Variants in GLIS1 observed in about 807,000 individuals in gnomAD.
GLIS1 encodes GLIS family zinc finger 1, also known as zinc finger protein GLIS1.
GLIS1 carries 24 observed loss-of-function variants against 63.8 expected under a neutral mutation model. The observed-to-expected ratio is 0.38, with a 90% CI of 0.27 to 0.53. The LOEUF (loss-of-function observed/expected upper bound fraction) is 0.53, where lower values mean the gene tolerates loss of function less well. Among genes scored for constraint, GLIS1 ranks in the 20% least tolerant of loss-of-function variants. The pLI, the probability that GLIS1 is intolerant of heterozygous loss-of-function variation, is 0.85. For synonymous variants in GLIS1, 450 were observed against 482.5 expected (o/e 0.93, Z 0.88); for missense variants, 1,036 against 1,074.1 (o/e 0.96, Z 0.50).
chr1:53,699,749 C>A (rs532746171), intron 2 of GLIS1, among the ~76,000 whole-genome samples: 6 of 152,158 alleles, frequency 3.9e-5, no homozygotes, highest in Admixed American at 3.9e-4. Flanking sequence ...GGTCTCTTCC[C>A]AGCTTGTGGA....
At chr1:53,607,255 A>G (rs1308441095) in intron 2 of GLIS1, among the ~76,000 whole-genome samples, 1 of 152,190 alleles carries the variant, frequency 6.6e-6, no homozygotes, top group East Asian at 1.9e-4. Flanking sequence ...AAGCAGGGAA[A>G]TACATGTATT....
At chr1:53,684,746 C>G (rs941653781) in intron 2 of GLIS1, among the ~76,000 whole-genome samples, 3 of 152,228 alleles carry the variant, frequency 2.0e-5, no homozygotes, top group Admixed American at 6.5e-5. Context: ...GGCCACCTGC[C>G]TCTCCTCTCC....
intron 2 of GLIS1, among the ~76,000 whole-genome samples, chr1:53,700,677 T>C (rs894710728): frequency 4.6e-5 from 7 of 152,222 alleles, no homozygotes; most frequent in Non-Finnish European, 8.8e-5. Flanking sequence ...ATTTAGTGGT[T>C]CTTACCGTAT....
intron 8 of GLIS1, among the ~76,000 whole-genome samples, chr1:53,514,341 G>C (rs900427802): frequency 6.6e-6 from 1 of 152,188 alleles, no homozygotes; most frequent in Non-Finnish European, 1.5e-5. Flanking sequence ...AGGGGTCGCT[G>C]GGAGGGGCCA....
rs560395578 is a variant in GLIS1 at position 53,639,677 on chromosome 1, C to T, written c.260-39399G>A. On this transcript the variant is annotated intron_variant, in intron 2 of 10. Coordinates refer to ENST00000628545, the MANE Select transcript of GLIS1 (RefSeq NM_001367484.1). This position sits in a 1 kb window ranked among gnomAD's most constrained non-coding sequence, Gnocchi z 4.6. ...TTTTTTCCAGCCCGCTATCCTGGGC[C>T]GACAGCATACTCAGGTTTACTCAGT... is the stretch of plus-strand genomic sequence containing the variant. Among the ~76,000 whole-genome samples the T allele has an allele frequency of 6.6e-5, 10 of 152,092 alleles. No individual in the cohort carries two copies. Among genetic ancestry groups the T allele is most frequent in the African/African-American group, 1.7e-4 (7 of 41,478 alleles).
intron 2 of GLIS1, among the ~76,000 whole-genome samples, chr1:53,729,209 C>T (rs555477274): frequency 1.3e-5 from 2 of 152,264 alleles, no homozygotes; most frequent in East Asian, 3.9e-4. Context: ...AGAAGTTCTA[C>T]GGACTTGAGG....
At chr1:53,566,489 A>ACATTAG (rs1343230452) in intron 4 of GLIS1, among the ~76,000 whole-genome samples, 6 of 152,280 alleles carry the variant, frequency 3.9e-5, no homozygotes, top group Non-Finnish European at 8.8e-5. Context: ...AGTATCATTT[A>ACATTAG]CATTAGCACC....
chr1:53,556,483 G>T (rs1282977217), intron 4 of GLIS1, among the ~76,000 whole-genome samples: 1 of 146,194 alleles, frequency 6.8e-6, no homozygotes, highest in Admixed American at 6.8e-5. Context: ...GTGCGTGCAG[G>T]TGTACTGCAG....
At chr1:53,577,905 A>T (rs1246440447) in intron 4 of GLIS1, among the ~76,000 whole-genome samples, 1 of 151,896 alleles carries the variant, frequency 6.6e-6, no homozygotes, top group Non-Finnish European at 1.5e-5. Flanking sequence ...TCGTTAACTC[A>T]CACCCTGGCC....
intron 2 of GLIS1, among the ~76,000 whole-genome samples, chr1:53,629,363 A>C (rs1342491722): frequency 6.6e-6 from 1 of 151,904 alleles, no homozygotes; most frequent in East Asian, 1.9e-4. Context: ...AGTTGCTATC[A>C]CTCTGTAGCA....
intron 4 of GLIS1, among the ~76,000 whole-genome samples, chr1:53,587,132 A>T (rs1479681221): frequency 6.6e-6 from 1 of 152,206 alleles, no homozygotes; most frequent in African/African-American, 2.4e-5. Flanking sequence ...AAAGGATTTA[A>T]AGGACCTGGA....
At chr1:53,604,051 A>G (rs1355647087) in intron 2 of GLIS1, among the ~76,000 whole-genome samples, 3 of 152,264 alleles carry the variant, frequency 2.0e-5, no homozygotes, top group African/African-American at 7.2e-5. Context: ...AATGGTGCTA[A>G]CACCTAACCC....
At chr1:53,508,808 T>TCTGCA (rs1644264370) in intron 10 of GLIS1, among the ~76,000 whole-genome samples, 1 of 152,202 alleles carries the variant, frequency 6.6e-6, no homozygotes, top group African/African-American at 2.4e-5. Flanking sequence ...ACACAGTAGG[T>TCTGCA]GCTCAATAAA....
chr1:53,520,880 C>T, intron 6 of GLIS1, 114 bp from the exon 7 acceptor site: 2 of 1,164,526 alleles, frequency 1.7e-6, no homozygotes, highest in Non-Finnish European at 2.3e-6. Context: ...AGACCCTTCC[C>T]TTCACTGTGC....
At chr1:53,629,852 T>A (rs904669733) in intron 2 of GLIS1, among the ~76,000 whole-genome samples, 2 of 152,224 alleles carry the variant, frequency 1.3e-5, no homozygotes, top group African/African-American at 2.4e-5. Flanking sequence ...CCTGCACACA[T>A]GCAGGCCTTG....
chr1:53,580,215 C>T (rs1033686230), intron 4 of GLIS1, among the ~76,000 whole-genome samples: 1 of 152,158 alleles, frequency 6.6e-6, no homozygotes, highest in Non-Finnish European at 1.5e-5. Context: ...AGCCATGAGC[C>T]GCAGAGCCCC....
chr1:53,620,373 T>C (rs1645529965), intron 2 of GLIS1, among the ~76,000 whole-genome samples: 1 of 152,052 alleles, frequency 6.6e-6, no homozygotes, highest in Non-Finnish European at 1.5e-5. Flanking sequence ...GAACAGAAAA[T>C]GGGCGGGGGG....
chr1:53,645,703 C>A (rs538037411), intron 2 of GLIS1, among the ~76,000 whole-genome samples: 1 of 152,332 alleles, frequency 6.6e-6, no homozygotes, highest in Admixed American at 6.5e-5. Context: ...CTGGTAACCA[C>A]AAGTAATAAG....
chr1:53,532,997 ATGC>A (rs1644546577), intron 4 of GLIS1, among the ~76,000 whole-genome samples: 1 of 152,238 alleles, frequency 6.6e-6, no homozygotes, highest in Non-Finnish European at 1.5e-5. Flanking sequence ...TGCCTCTCCC[ATGC>A]AGACGCTCCA....
Sources: gnomAD v4.1 joint callset for allele counts (sites outside exome capture counted in the v4.1 genomes callset) on GRCh38, gnomAD v4.1.1 for gene constraint, Gnocchi (gnomAD v3.1) non-coding constraint, MANE v1.5 for transcripts, NCBI Gene and HGNC (gene_info 2026-07-23, HGNC 2026-07-21) for gene names.